The following ELP4 variants were observed in gnomAD, a reference collection of about 807,000 sequenced individuals.
ELP4 encodes elongator acetyltransferase complex subunit 4, also known as elongator complex protein 4.
ELP4 carries 51 observed loss-of-function variants against 48.9 expected under a neutral mutation model. The observed-to-expected ratio is 1.04, with a 90% CI of 0.83 to 1.32. The LOEUF is 1.32. Among genes scored for constraint, ELP4 ranks in the 40% most tolerant of loss-of-function variants. The pLI is 0.00. For missense variants in ELP4, 519 were observed against 514.6 expected, an observed-to-expected ratio of 1.01 and a Z score of -0.08; for synonymous variants, 210 against 189.2, an observed-to-expected ratio of 1.11 and a Z score of -0.90.
At chr11:31,701,007 A>T (rs1035524466) in intron 9 of ELP4, among the ~76,000 whole-genome samples, 13 of 152,046 alleles carry the variant, frequency 8.6e-5, no homozygotes, top group Middle Eastern at 3.2e-3. Flanking sequence ...CAAGGTTAAA[A>T]TACCCTTGGA....
intron 9 of ELP4, chr11:31,662,836 A>G (rs1945593592): frequency 6.1e-6 from 2 of 328,434 alleles, no homozygotes; most frequent in South Asian, 3.1e-4. Flanking sequence ...AAATACCTAG[A>G]TTTCATAAAA....
chr11:31,771,047 C>T (rs1383315794), intron 9 of ELP4, among the ~76,000 whole-genome samples: 1 of 152,104 alleles, frequency 6.6e-6, no homozygotes, highest in Non-Finnish European at 1.5e-5. Context: ...GATTCCAAGT[C>T]ACATTTTAAA....
chr11:31,541,400 G>A (rs1245544480), intron 3 of ELP4: 3 of 151,342 alleles, frequency 2.0e-5, no homozygotes, highest in Non-Finnish European at 4.4e-5. Context: ...CTGTTTTCTG[G>A]CTTTTATCAT....
intron 3 of ELP4, among the ~76,000 whole-genome samples, chr11:31,578,672 A>G (rs1278368558): frequency 2.6e-5 from 4 of 152,220 alleles, no homozygotes; most frequent in East Asian, 1.9e-4. Context: ...AAACCTGACA[A>G]AAACAAGAAA....
At chr11:31,729,859 C>T (rs1359486239) in intron 9 of ELP4, among the ~76,000 whole-genome samples, 1 of 152,196 alleles carries the variant, frequency 6.6e-6, no homozygotes, top group African/African-American at 2.4e-5. Context: ...ATTAGTTTGG[C>T]TGAGACTTAT....
At chr11:31,512,202 A>T (rs1401426818) in intron 1 of ELP4, 2 of 152,218 alleles carry the variant, frequency 1.3e-5, no homozygotes, top group African/African-American at 4.8e-5. Context: ...ATAGGATGTT[A>T]TGGTGTTAGA....
At chr11:31,718,068 A>G (rs1262398917) in intron 9 of ELP4, among the ~76,000 whole-genome samples, 1 of 152,304 alleles carries the variant, frequency 6.6e-6, no homozygotes, top group Middle Eastern at 3.4e-3. Flanking sequence ...AAGTGCTGGG[A>G]TTACAGACCT....
At chr11:31,729,563 G>C (rs1947142272) in intron 9 of ELP4, among the ~76,000 whole-genome samples, 1 of 152,150 alleles carries the variant, frequency 6.6e-6, no homozygotes, top group Non-Finnish European at 1.5e-5. Flanking sequence ...ACACCCTTTT[G>C]TTTGGTTCTC....
At chr11:31,618,197 A>T (rs1363907251) in intron 5 of ELP4, among the ~76,000 whole-genome samples, 3 of 152,152 alleles carry the variant, frequency 2.0e-5, no homozygotes, top group Non-Finnish European at 2.9e-5. Context: ...AATCCTTTAA[A>T]CATTATAGTA....
chr11:31,689,111 T>C (rs1365475010), intron 9 of ELP4: 1 of 152,190 alleles, frequency 6.6e-6, no homozygotes, highest in Non-Finnish European at 1.5e-5. Context: ...TAATTATTAA[T>C]TAGTATCTTG....
intron 7 of ELP4, among the ~76,000 whole-genome samples, chr11:31,635,188 G>T (rs941051204): frequency 1.3e-5 from 2 of 151,852 alleles, no homozygotes; most frequent in Non-Finnish European, 2.9e-5. Flanking sequence ...TCAGTCTTTT[G>T]GCTAAGGAAA....
intron 9 of ELP4, among the ~76,000 whole-genome samples, chr11:31,686,804 G>T (rs1402288264): frequency 1.3e-5 from 2 of 151,906 alleles, no homozygotes; most frequent in African/African-American, 4.8e-5. Context: ...GGGAGGTGGA[G>T]GTTGCAGTGA....
chr11:31,704,319 G>A (rs1946585457), intron 9 of ELP4, among the ~76,000 whole-genome samples: 1 of 152,048 alleles, frequency 6.6e-6, no homozygotes, highest in African/African-American at 2.4e-5. Flanking sequence ...AAAAAAGGAT[G>A]AGTTCATGTC....
intron 3 of ELP4, among the ~76,000 whole-genome samples, chr11:31,551,840 G>A (rs1291289731): frequency 6.6e-6 from 1 of 152,076 alleles, no homozygotes; most frequent in East Asian, 1.9e-4. Context: ...AAATAACGGT[G>A]ACACTTGACC....
intron 9 of ELP4, among the ~76,000 whole-genome samples, chr11:31,681,497 G>A (rs1275500374): frequency 6.6e-6 from 1 of 152,088 alleles, no homozygotes; most frequent in Non-Finnish European, 1.5e-5. Flanking sequence ...TTAGATAGAT[G>A]TGCAAAAATC....
chr11:31,598,503 C>CTTTTTTTTTTTT (rs10702222), intron 4 of ELP4, among the ~76,000 whole-genome samples: 144 of 77,700 alleles, frequency 1.9e-3, no homozygotes, highest in East Asian at 3.0e-3. Flanking sequence ...TTTTCTTCTT[C>CTTTTTTTTTTTT]TTTTTTTTTT....
chr11:31,614,152 T>G (rs144469023), intron 5 of ELP4, among the ~76,000 whole-genome samples: 10 of 152,290 alleles, frequency 6.6e-5, no homozygotes, highest in African/African-American at 2.4e-4. Flanking sequence ...ATATAATAAA[T>G]GAAATTATTA....
chr11:31,701,985 A>G (rs1946533221), intron 9 of ELP4, among the ~76,000 whole-genome samples: 1 of 152,264 alleles, frequency 6.6e-6, no homozygotes, highest in South Asian at 2.1e-4. Flanking sequence ...TAATATATTG[A>G]TGAATTATGT....
intron 9 of ELP4, among the ~76,000 whole-genome samples, chr11:31,740,169 T>C (rs1947413775): frequency 6.6e-6 from 1 of 152,250 alleles, no homozygotes; most frequent in Admixed American, 6.5e-5. Flanking sequence ...TTTCCAGAGC[T>C]GTAATTCATT....
Sources: allele counts gnomAD v4.1 joint callset (sites outside exome capture counted in the v4.1 genomes callset), GRCh38; gene constraint gnomAD v4.1.1; transcripts MANE v1.5; gene names NCBI Gene and HGNC (gene_info 2026-07-23, HGNC 2026-07-21).